Variants in REPS2 observed in about 807,000 individuals in gnomAD.
REPS2 encodes the protein RALBP1 associated Eps domain containing 2.
In REPS2, 23 loss-of-function variants were observed where a neutral mutation model predicts 53.6. The ratio of observed to expected loss-of-function variants is 0.43; its 90% confidence interval spans 0.31 to 0.61. The LOEUF (loss-of-function observed/expected upper bound fraction) is 0.61, where lower values mean the gene tolerates loss of function less well. Among genes scored for constraint, REPS2 ranks in the 20% least tolerant of loss-of-function variants. The pLI is 0.11. For missense variants in REPS2, 446 were observed against 534.9 expected, an observed-to-expected ratio of 0.83 and a Z score of 1.64; for synonymous variants, 238 against 218.6, an observed-to-expected ratio of 1.09 and a Z score of -0.78.
At chrX:17,020,931 G>A (rs1041530044) in intron 2 of REPS2, among the ~76,000 whole-genome samples, 7 of 111,934 alleles carry the variant, frequency 6.3e-5, no homozygotes, top group Admixed American at 9.5e-5. Context: ...CACTGCGCCC[G>A]GCCGCCTGCT....
At chrX:17,022,301 G>C in intron 3 of REPS2, 30 bp downstream of exon 3, 1 of 1,173,525 alleles carries the variant, frequency 8.5e-7, no homozygotes, top group Non-Finnish European at 1.2e-6. Context: ...GTGTTCATTT[G>C]ATTCTGACCA....
chrX:16,957,898 C>T (rs754386047), intron 1 of REPS2, among the ~76,000 whole-genome samples: 44 of 111,661 alleles, frequency 3.9e-4, no homozygotes, highest in Admixed American at 3.5e-3. Context: ...TATTCTTCTC[C>T]TGATTGTGAC....
At chrX:16,966,801 A>G (rs1221974560) in intron 1 of REPS2, among the ~76,000 whole-genome samples, 1 of 112,594 alleles carries the variant, frequency 8.9e-6, no homozygotes, top group African/African-American at 3.2e-5. Context: ...TAATAATATC[A>G]GAAGAGAGTG....
chrX:17,065,195 C>G (rs2062209175), intron 9 of REPS2, among the ~76,000 whole-genome samples: 1 of 112,059 alleles, frequency 8.9e-6, no homozygotes, highest in East Asian at 2.8e-4. Context: ...GAGGAACCAC[C>G]AAACTGCTTT....
At chrX:16,971,882 T>G (rs1200008108) in intron 1 of REPS2, among the ~76,000 whole-genome samples, 2 of 112,471 alleles carry the variant, frequency 1.8e-5, no homozygotes, top group East Asian at 5.5e-4. Context: ...ACTGTCTTGA[T>G]TTGTTTAATC....
intron 13 of REPS2, among the ~76,000 whole-genome samples, chrX:17,102,332 T>C (rs868733634): frequency 8.9e-6 from 1 of 111,826 alleles, no homozygotes. Context: ...TCCGCCTACC[T>C]TGGCCTCCCA....
intron 17 of REPS2, among the ~76,000 whole-genome samples, chrX:17,141,334 T>C (rs1209550861): frequency 8.9e-6 from 1 of 112,331 alleles, no homozygotes; most frequent in Non-Finnish European, 1.9e-5. Context: ...GTATTATGTT[T>C]TTGAGATTCA....
chrX:17,172,393 G>A, the REPS2 span, among the ~76,000 whole-genome samples: 27 of 111,505 alleles, frequency 2.4e-4, 1 homozygote, highest in East Asian at 7.6e-3. Flanking sequence ...GTTTAAAAGT[G>A]TGTAGCACCT....
intron 14 of REPS2, among the ~76,000 whole-genome samples, chrX:17,108,591 C>T (rs1332256347): frequency 1.8e-5 from 2 of 111,490 alleles, no homozygotes; most frequent in African/African-American, 6.5e-5. Context: ...GTGATAGAGC[C>T]ACAGCTTCAG....
the REPS2 span, among the ~76,000 whole-genome samples, chrX:17,164,274 CCAAT>C: frequency 9.0e-6 from 1 of 111,141 alleles, no homozygotes; most frequent in Non-Finnish European, 1.9e-5. Flanking sequence ...GTTAAACACT[CCAAT>C]CAAAAGGCAG....
the REPS2 span, among the ~76,000 whole-genome samples, chrX:17,172,141 G>A: frequency 2.7e-5 from 3 of 111,708 alleles, no homozygotes; most frequent in African/African-American, 9.8e-5. Flanking sequence ...ACAATACTTG[G>A]GTAGCCAGGC....
At chrX:16,993,890 G>A (rs538714934) in intron 1 of REPS2, among the ~76,000 whole-genome samples, 4 of 112,798 alleles carry the variant, frequency 3.5e-5, no homozygotes, top group South Asian at 3.6e-4. Context: ...AAATCTAAGC[G>A]GAAAAGCAGT....
chrX:17,004,225 A>G (rs185594789), intron 1 of REPS2, among the ~76,000 whole-genome samples: 22 of 110,307 alleles, frequency 2.0e-4, no homozygotes, highest in Non-Finnish European at 3.8e-4. Flanking sequence ...AGTGATTTGG[A>G]TTGTTTGAAG....
chrX:17,097,602 A>G (rs965623618), intron 13 of REPS2, among the ~76,000 whole-genome samples: 22 of 112,261 alleles, frequency 2.0e-4, no homozygotes, highest in Non-Finnish European at 3.8e-5. Context: ...AATAAAACAG[A>G]AAGCAAACAT....
chrX:16,970,737 A>G (rs939233951), intron 1 of REPS2, among the ~76,000 whole-genome samples: 2 of 112,514 alleles, frequency 1.8e-5, no homozygotes, highest in African/African-American at 6.5e-5. Flanking sequence ...GGATTCGTCT[A>G]TTCCAGACAT....
intron 2 of REPS2, among the ~76,000 whole-genome samples, chrX:17,008,873 G>A (rs759731370): frequency 2.7e-5 from 3 of 111,038 alleles, no homozygotes; most frequent in Admixed American, 1.9e-4. Context: ...GTGTATGTGC[G>A]TGACCCTCTA....
At chrX:17,065,411 A>G (rs1390323719) in intron 9 of REPS2, among the ~76,000 whole-genome samples, 1 of 112,137 alleles carries the variant, frequency 8.9e-6, no homozygotes, top group Admixed American at 9.5e-5. Flanking sequence ...AGCCATTTGT[A>G]TATCTTCTTT....
intron 9 of REPS2, among the ~76,000 whole-genome samples, chrX:17,064,758 CA>C (rs1166800333): frequency 2.7e-5 from 3 of 111,923 alleles, no homozygotes; most frequent in East Asian, 5.6e-4. Context: ...AAGAGAAACC[CA>C]ATACTCATGA....
intron 1 of REPS2, chrX:16,978,651 G>A (rs1006569217): frequency 6.8e-6 from 4 of 584,939 alleles, no homozygotes; most frequent in African/African-American, 2.5e-5. Flanking sequence ...TGGTAGAAGA[G>A]GGGCACAGAA....
Sources: allele counts gnomAD v4.1 joint callset (sites outside exome capture counted in the v4.1 genomes callset), GRCh38; gene constraint gnomAD v4.1.1; transcripts MANE v1.5; gene names NCBI Gene and HGNC (gene_info 2026-07-23, HGNC 2026-07-21).